Variants in MGRN1 observed in about 807,000 individuals in gnomAD.
The protein encoded by MGRN1 is mahogunin ring finger 1.
A neutral mutation model predicts 69.2 loss-of-function variants in MGRN1; 29 were observed. That is an observed-to-expected ratio of 0.42 (90% confidence interval 0.31 to 0.57). The LOEUF is 0.57. Among genes scored for constraint, MGRN1 ranks in the 20% least tolerant of loss-of-function variants. MGRN1 has a pLI of 0.15. For synonymous variants in MGRN1, 470 were observed against 344.2 expected (o/e 1.37, Z -4.04); for missense variants, 998 against 796.2 (o/e 1.25, Z -3.05).
chr16:4,685,453 G>A (rs963909088), intron 16 of MGRN1, among the ~76,000 whole-genome samples: 1 of 152,244 alleles, frequency 6.6e-6, no homozygotes, highest in African/African-American at 2.4e-5. Context: ...ACGGGGGCAG[G>A]CAGTCGTCAT....
rs367993354 is a variant in MGRN1, at chr16:4,681,681, C to T, written c.1263C>T (p.Asp421=). 4.0e-5 allele frequency: 64 copies of T among 1,613,444 alleles called. No homozygotes were observed. Among genetic ancestry groups the T allele is most frequent in the Admixed American group, 2.7e-4 (16 of 60,032 alleles). ...AAATCACCTATTCAGGCATCTCGGACGGCCTGTCCCAGGCCAGCTGTCCCC... is the reference window on the plus strand; with the variant it reads ...AAATCACCTATTCAGGCATCTCGGATGGCCTGTCCCAGGCCAGCTGTCCCC... ...YEEITYSGIS[D]GLSQASCPLA... Residue 421 remains aspartate, a synonymous_variant, in exon 13 of 17, where the codon GAC becomes GAT. Transcript: ENST00000262370.
rs1015882354 is a variant in MGRN1 at position 4,689,045 on chromosome 16, C to T, written c.*137C>T. On this transcript the variant is annotated 3_prime_UTR_variant, in exon 17 of 17. Coordinates refer to ENST00000262370, the MANE Select transcript of MGRN1 (RefSeq NM_015246.4). ...CAGGCTCCGAGGGGCCGTGGTGACT[C>T]TTGATCAAAGAGCACAGTGAACTGT... 8.1e-7 allele frequency: 1 copy of T among 1,229,340 alleles called. No homozygotes were observed. Among genetic ancestry groups the T allele is most frequent in the East Asian group, 2.6e-5 (1 of 38,512 alleles). The allele number at this position is 1,229,340 out of a possible 1,614,324, so 76.2% of individuals were successfully genotyped here. A position where few individuals can be genotyped will look rare whatever the true frequency, so the allele number is the denominator to read the frequency against.
chr16:4,657,688 C>G lies in MGRN1; in HGVS notation c.561+325C>G, dbSNP rs1280520091. ...GGGTCTGTTCACACCAGGTGGCATT[C>G]CTTCAAGCTTTTTAACCTTACTTTT... is the stretch of plus-strand genomic sequence containing the variant. On this transcript the variant is annotated intron_variant, in intron 5 of 16. Transcript: ENST00000262370. Among the ~76,000 whole-genome samples the G allele has an allele frequency of 2.0e-5, 3 of 151,062 alleles. 1 individual carries two copies. The highest frequency in any genetic ancestry group is 2.0e-4 in the Admixed American group (3 of 15,206).
chr16:4,687,440 G>A (rs541488988), intron 16 of MGRN1: 1 of 912,166 alleles, frequency 1.1e-6, no homozygotes, highest in African/African-American at 1.8e-5. Context: ...AGCTACTCAG[G>A]GGTGCTGAGG....
chr16:4,675,429 T>C (rs1032854437), intron 10 of MGRN1, among the ~76,000 whole-genome samples: 2 of 152,138 alleles, frequency 1.3e-5, no homozygotes, highest in African/African-American at 4.8e-5. Flanking sequence ...AAAGGTAAAA[T>C]AGAAAATATT....
intron 4 of MGRN1, among the ~76,000 whole-genome samples, chr16:4,655,553 G>A (rs994511808): frequency 4.6e-5 from 7 of 151,732 alleles, no homozygotes; most frequent in Non-Finnish European, 8.8e-5. Flanking sequence ...CACAGAGCAG[G>A]AACAGCTCCA....
rs1387671194 is a variant in MGRN1 at position 4,671,470 on chromosome 16, G to T, written c.795+11G>T. On this transcript the variant is annotated intron_variant, in intron 9 of 16. Transcript: ENST00000262370. ...AACCAGGAGACCAAGGTGTGTATCT[G>T]GGTGAGGTTTCCCTCTGCCATTACA... 6.2e-7 allele frequency: 1 copy of T among 1,613,236 alleles called. No individual in the cohort carries two copies. Among genetic ancestry groups the T allele is most frequent in the African/African-American group, 1.3e-5 (1 of 74,880 alleles).
chr16:4,655,105 C>T (rs938387923), intron 4 of MGRN1, among the ~76,000 whole-genome samples: 2 of 152,162 alleles, frequency 1.3e-5, no homozygotes, highest in Non-Finnish European at 2.9e-5. Flanking sequence ...TGTTTGACAC[C>T]CACGGGGCCT....
At chr16:4,659,635 A>G (rs1684620) in intron 5 of MGRN1, among the ~76,000 whole-genome samples, 72,230 of 152,210 alleles carry the variant, frequency 0.47, 17,403 homozygotes, top group East Asian at 0.65. Context: ...CGCGTGCAGC[A>G]TAGTGCTGGC....
In MGRN1 at chr16:4,673,495, C is replaced by T. The variant is rs747165339; in HGVS notation, c.796-3C>T. ...GCTGACCCACAAGCCCTTGTCCCGG[C>T]AGCCCTCGGACGACGAGAACAGCGA... On this transcript the variant is annotated splice_region_variant and splice_polypyrimidine_tract_variant and intron_variant, in intron 9 of 16. Transcript: ENST00000262370. 2 of 1,611,500 alleles carry T rather than the reference C, an allele frequency of 1.2e-6. No individual in the cohort carries two copies. Among genetic ancestry groups the T allele is most frequent in the South Asian group, 2.2e-5 (2 of 91,028 alleles).
intron 1 of MGRN1, among the ~76,000 whole-genome samples, chr16:4,641,461 G>C (rs1208410841): frequency 6.8e-6 from 1 of 146,684 alleles, no homozygotes; most frequent in Non-Finnish European, 1.6e-5. Context: ...TGGTCCTTCT[G>C]CCTCAGCCTC....
intron 10 of MGRN1, among the ~76,000 whole-genome samples, chr16:4,676,470 G>A (rs187973401): frequency 1.6e-3 from 238 of 152,332 alleles, no homozygotes; most frequent in African/African-American, 5.6e-3. Context: ...GGGTCAGTGG[G>A]TCGGGGCCAT....
chr16:4,668,364 C>G (rs781684144), intron 8 of MGRN1, 52 bp downstream of exon 8: 1 of 1,581,156 alleles, frequency 6.3e-7, no homozygotes, highest in Admixed American at 1.7e-5. Flanking sequence ...CACACATATA[C>G]AATCACTCAC....
In MGRN1 at chr16:4,681,396, G is replaced by GC. The variant is rs1435227444; in HGVS notation, c.1132-153dup. The GC allele has an allele frequency of 1.5e-5, 10 of 649,920 alleles. No homozygotes were observed. The East Asian group carries it at 2.8e-4, about 18-fold the overall frequency. The allele number at this position is 649,920 out of a possible 1,614,324, so 40.3% of individuals were successfully genotyped here. On this transcript the variant is annotated intron_variant, in intron 12 of 16. Coordinates refer to ENST00000262370, the MANE Select transcript of MGRN1 (RefSeq NM_015246.4). ...GGAGCTGATGGCTGAGGCAGGGAGG[G>GC]CATCGGTGCTGCCAGGGAGCTCTTG... is the stretch of plus-strand genomic sequence containing the variant.
intron 15 of MGRN1, 59 bp downstream of exon 15, chr16:4,683,328 C>A (rs2079232043): frequency 6.3e-7 from 1 of 1,595,766 alleles, no homozygotes; most frequent in Admixed American, 1.7e-5. Context: ...CCCTGGCTTA[C>A]TGGGGCCTTA....
intron 15 of MGRN1, 134 bp from the exon 16 acceptor site, chr16:4,683,709 C>T: frequency 5.8e-6 from 4 of 691,900 alleles, no homozygotes; most frequent in Non-Finnish European, 7.3e-6. Context: ...CGGTGGAGTC[C>T]TGCTGGAGCA....
rs117861459 is a variant in MGRN1 at position 4,625,328 on chromosome 16, G to C, written c.88+280G>C. On this transcript the variant is annotated intron_variant, in intron 1 of 16. Transcript: ENST00000262370. ...CACCTCAGCTCCGTCCTTGCAACAGGGGGGAGCTCCTGGGGGAAACCCCGA... is the reference window on the plus strand; with the variant it reads ...CACCTCAGCTCCGTCCTTGCAACAGCGGGGAGCTCCTGGGGGAAACCCCGA... Among the ~76,000 whole-genome samples, 6 of 152,320 alleles carry C rather than the reference G, an allele frequency of 3.9e-5. No homozygotes were observed. In the South Asian group the frequency reaches 8.3e-4, roughly 21 times the overall value.
At chr16:4,646,402 G>A (rs2141865673) in intron 1 of MGRN1, among the ~76,000 whole-genome samples, 1 of 151,436 alleles carries the variant, frequency 6.6e-6, no homozygotes, top group South Asian at 2.1e-4. Context: ...CAACCTCGGC[G>A]ACAGAGCAAG....
Position 4,644,215 on chromosome 16 carries a change from C to T in MGRN1, c.89-6150C>T, listed in dbSNP as rs1488613360. 2.0e-5 allele frequency among the ~76,000 whole-genome samples: 3 copies of T among 151,760 alleles called. No individual in the cohort carries two copies. In the South Asian group the frequency reaches 6.2e-4, roughly 32 times the overall value. ...CCATGTTGGCCAGGCTGGTCTAGAA[C>T]TCCTTACCTCAAGTGATCCACCCCC... On this transcript the variant is annotated intron_variant, in intron 1 of 16. Transcript: ENST00000262370.
Sources: gnomAD v4.1 joint callset for allele counts (sites outside exome capture counted in the v4.1 genomes callset) on GRCh38, gnomAD v4.1.1 for gene constraint, MANE v1.5 for transcripts, NCBI Gene and HGNC (gene_info 2026-07-23, HGNC 2026-07-21) for gene names.